The following DENND1A variants were observed in gnomAD, a reference collection of about 807,000 sequenced individuals.
DENND1A encodes DENN domain-containing protein 1A.
A neutral mutation model predicts 113.7 loss-of-function variants in DENND1A; 51 were observed. That is an observed-to-expected ratio of 0.45 (90% CI 0.36 to 0.57). The LOEUF is 0.57. Ranked by LOEUF, DENND1A falls within the 20% of genes least tolerant of loss-of-function variation. The pLI is 0.00. For missense variants in DENND1A, 1,258 were observed against 1,395.9 expected, an observed-to-expected ratio of 0.90 and a Z score of 1.57; for synonymous variants, 565 against 570.8, an observed-to-expected ratio of 0.99 and a Z score of 0.14.
At chr9:123,761,480 G>C (rs76572026) in intron 4 of DENND1A, among the ~76,000 whole-genome samples, 17 of 152,168 alleles carry the variant, frequency 1.1e-4, no homozygotes, top group African/African-American at 4.1e-4. Context: ...TCTGTGAGTA[G>C]AGGAAGAAGT....
intron 2 of DENND1A, among the ~76,000 whole-genome samples, chr9:123,824,941 A>G (rs985314878): frequency 6.6e-6 from 1 of 152,200 alleles, no homozygotes; most frequent in African/African-American, 2.4e-5. Context: ...AAATTAGTTC[A>G]AAGTTCATTT....
intron 18 of DENND1A, 56 bp from the exon 19 acceptor site, chr9:123,440,547 C>G: frequency 6.7e-7 from 1 of 1,503,410 alleles, no homozygotes; most frequent in Non-Finnish European, 8.8e-7. Flanking sequence ...CCCATGTTCC[C>G]TCTCACCCCA....
intron 2 of DENND1A, among the ~76,000 whole-genome samples, chr9:123,846,326 G>A (rs1842613695): frequency 6.6e-6 from 1 of 152,148 alleles, no homozygotes; most frequent in South Asian, 2.1e-4. Flanking sequence ...ATATGATCCA[G>A]CAATGCCATT....
intron 2 of DENND1A, among the ~76,000 whole-genome samples, chr9:123,866,711 T>G (rs763379955): frequency 6.6e-6 from 1 of 152,218 alleles, no homozygotes; most frequent in Non-Finnish European, 1.5e-5. Flanking sequence ...CTTCCTGTGC[T>G]GAGCATTTTA....
intron 22 of DENND1A, among the ~76,000 whole-genome samples, chr9:123,384,534 G>T (rs541991583): frequency 6.6e-6 from 1 of 152,198 alleles, no homozygotes; most frequent in African/African-American, 2.4e-5. Context: ...GAGCAAATGC[G>T]GTGCCCGGCA....
At chr9:123,713,750 C>T (rs1281338758) in intron 5 of DENND1A, among the ~76,000 whole-genome samples, 3 of 151,930 alleles carry the variant, frequency 2.0e-5, no homozygotes, top group South Asian at 2.1e-4. Context: ...TTCTTAGATA[C>T]ATTATCATAT....
chr9:123,690,996 T>C (rs2065156649), intron 5 of DENND1A, among the ~76,000 whole-genome samples: 2 of 152,194 alleles, frequency 1.3e-5, no homozygotes, highest in Admixed American at 1.3e-4. Context: ...TTCAGTGACC[T>C]TTCCTTAATG....
intron 5 of DENND1A, among the ~76,000 whole-genome samples, chr9:123,756,628 G>A (rs946966696): frequency 6.6e-6 from 1 of 152,194 alleles, no homozygotes; most frequent in African/African-American, 2.4e-5. Flanking sequence ...ATGATACTAA[G>A]ATTTGTGTAG....
intron 9 of DENND1A, among the ~76,000 whole-genome samples, chr9:123,638,554 C>A (rs2061841515): frequency 6.6e-6 from 1 of 152,130 alleles, no homozygotes; most frequent in Non-Finnish European, 1.5e-5. Context: ...ACTGCAACCT[C>A]TGCCTCCTGG....
intron 2 of DENND1A, chr9:123,798,632 C>G (rs1834123537): frequency 7.4e-6 from 1 of 135,178 alleles, no homozygotes; most frequent in Admixed American, 8.4e-5. Flanking sequence ...GATCCTTAAA[C>G]AAATTTATGC....
chr9:123,674,388 ACACAC>A (rs1482056709), intron 6 of DENND1A, among the ~76,000 whole-genome samples: 1 of 147,046 alleles, frequency 6.8e-6, no homozygotes, highest in Admixed American at 6.7e-5. Context: ...ACACACACAC[ACACAC>A]AATAGAAGCC....
chr9:123,666,996 T>C lies in DENND1A; in HGVS notation c.507+30A>G. ...GGCAGAAAACAGAGAAGAATAAAAA[T>C]TTAATTTTTTCTTCTTCCCAAGTAC... is the stretch of plus-strand genomic sequence containing the variant. On this transcript the variant is annotated intron_variant, in intron 8 of 23. Transcript: ENST00000394215. The C allele has an allele frequency of 2.6e-6, 4 of 1,560,818 alleles. No individual in the cohort carries two copies. In the Middle Eastern group the frequency reaches 5.1e-4, roughly 200 times the overall value.
At chr9:123,534,271 T>C (rs2055554957) in intron 13 of DENND1A, among the ~76,000 whole-genome samples, 1 of 152,220 alleles carries the variant, frequency 6.6e-6, no homozygotes, top group Admixed American at 6.5e-5. Flanking sequence ...TTCAAAGTTT[T>C]ACCACACATG....
rs1453961179 is a variant in DENND1A, at chr9:123,457,740, G to A, written c.1098+53C>T. 5.9e-6 allele frequency: 9 copies of A among 1,514,354 alleles called. No homozygotes were observed. The East Asian group carries it at 2.2e-4, about 37-fold the overall frequency. The allele number at this position is 1,514,354 out of a possible 1,614,324, so 93.8% of individuals were successfully genotyped here. A position where few individuals can be genotyped will look rare whatever the true frequency, so the allele number is the denominator to read the frequency against. ...CTCAGTACTTAGAGTGGAGACAGCT[G>A]CAGAAATCCCCGCCAGGGAGCCAGA... On this transcript the variant is annotated intron_variant, in intron 14 of 23. Coordinates refer to ENST00000394215, the MANE Select transcript of DENND1A (RefSeq NM_001352964.2).
At chr9:123,702,263 T>TAAAAAAGGAA (rs1554966365) in intron 5 of DENND1A, among the ~76,000 whole-genome samples, 2 of 149,878 alleles carry the variant, frequency 1.3e-5, no homozygotes, top group East Asian at 2.0e-4. Context: ...AATCAGAGGA[T>TAAAAAAGGAA]AAAAAAGGAA....
intron 12 of DENND1A, among the ~76,000 whole-genome samples, chr9:123,568,463 A>C (rs944843358): frequency 6.6e-6 from 1 of 152,244 alleles, no homozygotes; most frequent in Non-Finnish European, 1.5e-5. Context: ...TCCAAAGCCA[A>C]AACTACCCAA....
intron 2 of DENND1A, among the ~76,000 whole-genome samples, chr9:123,817,005 G>C (rs151329410): frequency 2.0e-3 from 300 of 152,254 alleles, no homozygotes; most frequent in African/African-American, 7.1e-3. Context: ...AAGGCCAGAG[G>C]AAGCAGGTTA....
intron 1 of DENND1A, among the ~76,000 whole-genome samples, chr9:123,886,589 A>C (rs533878775): frequency 6.6e-6 from 1 of 152,366 alleles, no homozygotes; most frequent in African/African-American, 2.4e-5. Context: ...TTCAGAACGC[A>C]CTAGCAAACA....
At chr9:123,745,685 A>T (rs1393909624) in intron 5 of DENND1A, among the ~76,000 whole-genome samples, 1 of 152,270 alleles carries the variant, frequency 6.6e-6, no homozygotes, top group Admixed American at 6.5e-5. Flanking sequence ...TAGCTCTTCA[A>T]GAATGTTCAT....
Sources: gnomAD v4.1 joint callset for allele counts (sites outside exome capture counted in the v4.1 genomes callset) on GRCh38, gnomAD v4.1.1 for gene constraint, MANE v1.5 for transcripts, NCBI Gene and HGNC (gene_info 2026-07-23, HGNC 2026-07-21) for gene names.